Variants in RNF214 observed in about 807,000 individuals in gnomAD.
RNF214 encodes ring finger protein 214.
RNF214 carries 25 observed loss-of-function variants against 75.9 expected under a neutral mutation model. The observed-to-expected ratio is 0.33, with a 90% CI of 0.24 to 0.46. The LOEUF is 0.46. Ranked by LOEUF, RNF214 falls within the 20% of genes least tolerant of loss-of-function variation. RNF214 has a pLI of 1.00. For synonymous variants in RNF214, 314 were observed against 308.8 expected, an observed-to-expected ratio of 1.02 and a Z score of -0.18; for missense variants, 725 against 857.5, an observed-to-expected ratio of 0.85 and a Z score of 1.93.
In RNF214 at chr11:117,238,727, A is replaced by G; in HGVS notation, c.234A>G (p.Ala78=). 1 of 1,614,230 alleles carries G rather than the reference A, an allele frequency of 6.2e-7. No individual in the cohort carries two copies. The change falls in exon 3 of 15, where the codon GCA becomes GCG. Residue 78 remains alanine, a synonymous_variant. Coordinates refer to ENST00000300650, the MANE Select transcript of RNF214 (RefSeq NM_207343.4). ...EHSEQNPGSS[A]GDTSAAHQVV... is the part of the protein sequence containing the mutation. The stretch of plus-strand genomic sequence containing the variant: ...CAGAGCAGAATCCTGGTTCATCAGC[A>G]GGTGACACCTCAGCAGCGCACCAGG...
intron 6 of RNF214, among the ~76,000 whole-genome samples, chr11:117,264,200 G>A (rs1285708679): frequency 6.6e-6 from 1 of 152,164 alleles, no homozygotes; most frequent in African/African-American, 2.4e-5. Flanking sequence ...GCGGGCGCCT[G>A]TGGTCCCAGC....
At position 117,280,154 on chromosome 11, in the gene RNF214, G is replaced by A. The variant is rs145006074; in HGVS notation, c.1057-17G>A. 186 of 1,590,976 alleles carry A rather than the reference G, an allele frequency of 1.2e-4. No homozygotes were observed. The highest frequency in any genetic ancestry group is 6.7e-4 in the Middle Eastern group (4 of 6,014). ...TGTAAAATTAATAAAGTATTTATAT[G>A]TGTGTGGCTTCCTTAGATCTTATCA... On this transcript the variant is annotated splice_polypyrimidine_tract_variant and intron_variant, in intron 7 of 14. Coordinates refer to ENST00000300650, the MANE Select transcript of RNF214 (RefSeq NM_207343.4).
intron 6 of RNF214, among the ~76,000 whole-genome samples, chr11:117,249,629 C>G (rs1232271348): frequency 6.6e-6 from 1 of 152,174 alleles, no homozygotes; most frequent in African/African-American, 2.4e-5. Flanking sequence ...GTGGCTTAAA[C>G]AGCAGAATAT....
chr11:117,245,567 C>A (rs1192279888), intron 5 of RNF214, among the ~76,000 whole-genome samples: 1 of 151,988 alleles, frequency 6.6e-6, no homozygotes, highest in African/African-American at 2.4e-5. Context: ...TGGTCTCGAT[C>A]TCCTGACCTC....
intron 6 of RNF214, among the ~76,000 whole-genome samples, chr11:117,249,625 T>TA (rs1276400344): frequency 1.3e-5 from 2 of 152,202 alleles, no homozygotes; most frequent in Non-Finnish European, 2.9e-5. Flanking sequence ...CTACGTGGCT[T>TA]AAACAGCAGA....
chr11:117,238,287 T>G (rs2032966825), intron 2 of RNF214, among the ~76,000 whole-genome samples: 1 of 152,166 alleles, frequency 6.6e-6, no homozygotes, highest in African/African-American at 2.4e-5. Flanking sequence ...GTGCCTGTAG[T>G]CCTAGTTACT....
intron 1 of RNF214, among the ~76,000 whole-genome samples, chr11:117,233,611 C>G: frequency 6.6e-6 from 1 of 152,318 alleles, no homozygotes; most frequent in South Asian, 2.1e-4. Flanking sequence ...ACTTGTGTTA[C>G]CATGTTTTTT....
intron 2 of RNF214, among the ~76,000 whole-genome samples, chr11:117,236,692 T>C (rs1402242653): frequency 6.6e-6 from 1 of 152,248 alleles, no homozygotes; most frequent in South Asian, 2.1e-4. Context: ...AGTGATAATA[T>C]TATTCGCATT....
chr11:117,247,070 G>C, intron 6 of RNF214, 122 bp downstream of exon 6: 1 of 781,058 alleles, frequency 1.3e-6, no homozygotes, highest in Non-Finnish European at 1.9e-6. Context: ...AAGTGTACAA[G>C]TAAAAACTCT....
At chr11:117,278,075 C>T (rs1004714237) in intron 6 of RNF214, among the ~76,000 whole-genome samples, 1 of 151,752 alleles carries the variant, frequency 6.6e-6, no homozygotes, top group Non-Finnish European at 1.5e-5. Flanking sequence ...GAGGCCGAGG[C>T]GGGTGGATCA....
At chr11:117,234,903 C>T (rs2032858268) in intron 2 of RNF214, among the ~76,000 whole-genome samples, 1 of 152,094 alleles carries the variant, frequency 6.6e-6, no homozygotes, top group South Asian at 2.1e-4. Flanking sequence ...TGCTCAAGTC[C>T]CTTACATAAA....
chr11:117,239,797 A>G lies in RNF214; in HGVS notation c.619-4A>G, dbSNP rs1004193326. 6.6e-6 allele frequency: 10 copies of G among 1,514,732 alleles called. 1 individual carries two copies. In the African/African-American group the frequency reaches 1.2e-4, roughly 19 times the overall value. The allele number at this position is 1,514,732 out of a possible 1,614,324, so 93.8% of individuals were successfully genotyped here. On this transcript the variant is annotated splice_region_variant and splice_polypyrimidine_tract_variant and intron_variant, in intron 3 of 14. Coordinates refer to ENST00000300650, the MANE Select transcript of RNF214 (RefSeq NM_207343.4). The stretch of plus-strand genomic sequence containing the variant: ...ATTCTAAATATAACTTTTTTCCTTT[A>G]TAGACTGACTTTAAGACAGCTGATT...
In RNF214 at chr11:117,232,685, C is replaced by T. The variant is rs1356897370; in HGVS notation, c.-48C>T. 3 of 150,756 alleles carry T rather than the reference C, an allele frequency of 2.0e-5. No individual in the cohort carries two copies. The highest frequency in any genetic ancestry group is 6.6e-5 in the Admixed American group (1 of 15,172). 9.3% of individuals were successfully genotyped at this position (150,756 alleles called of 1,614,324 possible). On this transcript the variant is annotated 5_prime_UTR_variant, in exon 1 of 15. Transcript: ENST00000300650. ...CGCGGGCCGGCGCTCGACCCCTCCCCCCGTGGCTCGGCCGCCCCCTCCCCC... is the reference window on the plus strand; with the variant it reads ...CGCGGGCCGGCGCTCGACCCCTCCCTCCGTGGCTCGGCCGCCCCCTCCCCC...
At chr11:117,238,000 CTA>C (rs2032958902) in intron 2 of RNF214, among the ~76,000 whole-genome samples, 1 of 152,132 alleles carries the variant, frequency 6.6e-6, no homozygotes, top group African/African-American at 2.4e-5. Flanking sequence ...ATACATGTAA[CTA>C]AATTAAATAT....
intron 4 of RNF214, among the ~76,000 whole-genome samples, chr11:117,244,029 T>C (rs1181389341): frequency 6.6e-6 from 1 of 152,222 alleles, no homozygotes; most frequent in Non-Finnish European, 1.5e-5. Context: ...TCGCCTAGGC[T>C]AAAGTGCAGT....
intron 2 of RNF214, among the ~76,000 whole-genome samples, 157 bp from the exon 3 acceptor site, chr11:117,238,444 C>G (rs1362950941): frequency 1.3e-5 from 2 of 152,148 alleles, no homozygotes; most frequent in Admixed American, 6.5e-5. Context: ...TCTTAACCAC[C>G]AGGCTATACT....
intron 6 of RNF214, among the ~76,000 whole-genome samples, chr11:117,250,610 T>TTA (rs10671699): frequency 0.63 from 84,060 of 133,500 alleles, 24,887 homozygotes; most frequent in East Asian, 0.85. Flanking sequence ...TATTTATTTA[T>TTA]TTTTTTTTTA....
chr11:117,275,764 A>G (rs966035144), intron 6 of RNF214, among the ~76,000 whole-genome samples: 2 of 152,208 alleles, frequency 1.3e-5, no homozygotes, highest in Non-Finnish European at 2.9e-5. Flanking sequence ...CTCCCAACCA[A>G]GACATCCCAG....
intron 5 of RNF214, among the ~76,000 whole-genome samples, chr11:117,245,197 T>A (rs1015757278): frequency 2.0e-5 from 3 of 150,288 alleles, no homozygotes; most frequent in Non-Finnish European, 3.0e-5. Flanking sequence ...TGTGCACCTG[T>A]GGTCCCAGCT....
Sources: gnomAD v4.1 joint callset for allele counts (sites outside exome capture counted in the v4.1 genomes callset) on GRCh38, gnomAD v4.1.1 for gene constraint, MANE v1.5 for transcripts, NCBI Gene and HGNC (gene_info 2026-07-23, HGNC 2026-07-21) for gene names.